The following MFHAS1 variants were observed in gnomAD, a reference collection of about 807,000 sequenced individuals.
MFHAS1 encodes the protein multifunctional ROCO family signaling regulator 1.
In MFHAS1, 50 loss-of-function variants were observed where a neutral mutation model predicts 70.4. The ratio of observed to expected loss-of-function variants is 0.71; its 90% CI spans 0.57 to 0.90. MFHAS1 has a LOEUF of 0.90. Among genes scored for constraint, MFHAS1 ranks in the 40% least tolerant of loss-of-function variants. MFHAS1 has a pLI of 0.00. For missense variants in MFHAS1, 1,795 were observed against 1,347.6 expected (o/e 1.33, Z -5.20); for synonymous variants, 952 against 620.0 (o/e 1.54, Z -7.96).
intron 1 of MFHAS1, among the ~76,000 whole-genome samples, chr8:8,812,302 G>T (rs562292114): frequency 6.6e-6 from 1 of 152,126 alleles, no homozygotes. Flanking sequence ...TGAAGCCGGC[G>T]TAAGATCTTA....
At chr8:8,874,652 T>C (rs1258717737) in intron 1 of MFHAS1, among the ~76,000 whole-genome samples, 5 of 152,180 alleles carry the variant, frequency 3.3e-5, no homozygotes, top group South Asian at 4.1e-4. Flanking sequence ...GTTAAAGTTA[T>C]AAGGGTGAAG....
intron 1 of MFHAS1, among the ~76,000 whole-genome samples, chr8:8,873,097 G>C (rs1449970841): frequency 6.6e-6 from 1 of 152,236 alleles, no homozygotes; most frequent in African/African-American, 2.4e-5. Flanking sequence ...AGGCAAGCCA[G>C]TGAGCCATTT....
intron 1 of MFHAS1, among the ~76,000 whole-genome samples, chr8:8,849,341 G>A (rs1808155380): frequency 6.6e-6 from 1 of 152,068 alleles, no homozygotes; most frequent in African/African-American, 2.4e-5. Flanking sequence ...TCAGCCTCCT[G>A]AAGTGCTGGG....
At chr8:8,831,568 C>T (rs909356115) in intron 1 of MFHAS1, among the ~76,000 whole-genome samples, 1 of 151,004 alleles carries the variant, frequency 6.6e-6, no homozygotes, top group African/African-American at 2.4e-5. Flanking sequence ...ACATATAGAT[C>T]AATAGAACAG....
intron 2 of MFHAS1, among the ~76,000 whole-genome samples, chr8:8,794,506 C>T (rs1042596971): frequency 1.1e-4 from 16 of 152,124 alleles, no homozygotes; most frequent in African/African-American, 2.9e-4. Context: ...GTGCTTAAGG[C>T]GGTGAAGGTG....
In MFHAS1 at chr8:8,890,621, G is replaced by A. The variant is rs752350177; in HGVS notation, c.2438C>T (p.Ala813Val). The A allele has an allele frequency of 1.9e-6, 3 of 1,613,934 alleles. No individual in the cohort carries two copies. The South Asian group carries it at 3.3e-5, about 18-fold the overall frequency. The change falls in exon 1 of 3, where the codon GCC (alanine) becomes GTC (valine). Residue 813 changes from alanine to valine, a missense_variant. Transcript: ENST00000276282. ...CAGCAACAGCTGCAAGTCCTGCTGG[G>A]CCTGGACATGAGGCTTAAGCAGCAA... ...IRLLLKPHVQ[A>V]QQDLQLLLEL... is the part of the protein sequence containing the mutation.
intron 1 of MFHAS1, among the ~76,000 whole-genome samples, chr8:8,827,453 A>G (rs1341868595): frequency 6.6e-6 from 1 of 152,186 alleles, no homozygotes; most frequent in African/African-American, 2.4e-5. Context: ...GCCACATCCA[A>G]TTTCACAGAT....
chr8:8,815,764 C>T (rs1806719133), intron 1 of MFHAS1, among the ~76,000 whole-genome samples: 1 of 152,128 alleles, frequency 6.6e-6, no homozygotes, highest in African/African-American at 2.4e-5. Context: ...AAAGTTGAAA[C>T]ATACACCTAC....
At chr8:8,794,944 C>T (rs1430021385) in intron 2 of MFHAS1, among the ~76,000 whole-genome samples, 2 of 152,096 alleles carry the variant, frequency 1.3e-5, no homozygotes, top group East Asian at 1.9e-4. Flanking sequence ...GGTCTTTCTG[C>T]GGCAGTACAA....
chr8:8,851,273 C>T (rs1808239599), intron 1 of MFHAS1, among the ~76,000 whole-genome samples: 1 of 152,074 alleles, frequency 6.6e-6, no homozygotes, highest in Non-Finnish European at 1.5e-5. Flanking sequence ...TGTGGTTGAT[C>T]CCAAATATTA....
rs868475984 is a variant in MFHAS1 at position 8,893,012 on chromosome 8, C to A, written c.47G>T (p.Arg16Leu). The A allele has an allele frequency of 6.5e-7, 1 of 1,539,308 alleles. No individual in the cohort carries two copies. The highest frequency in any genetic ancestry group is 1.2e-5 in the South Asian group (1 of 84,186). Residue 16 changes from arginine (R) to leucine (L), a missense_variant, in exon 1 of 3, where the codon CGG (arginine) becomes CTG (leucine). By Grantham distance (102) the Arg-to-Leu change is moderately radical. Coordinates refer to ENST00000276282, the MANE Select transcript of MFHAS1 (RefSeq NM_004225.3). ...SGNLKTARLW[R>L]DAALRARKLR... is the part of the protein sequence containing the mutation. ...CTTCCTGGCACGCAGGGCGGCGTCC[C>A]GCCACAGCCTCGCGGTCTTCAGGTT...
chr8:8,848,441 C>T (rs1270964647), intron 1 of MFHAS1, among the ~76,000 whole-genome samples: 1 of 151,360 alleles, frequency 6.6e-6, no homozygotes, highest in Non-Finnish European at 1.5e-5. Flanking sequence ...CTTCATTTTC[C>T]TCTCCACTGC....
At chr8:8,813,202 T>A (rs1183723379) in intron 1 of MFHAS1, among the ~76,000 whole-genome samples, 3 of 152,258 alleles carry the variant, frequency 2.0e-5, no homozygotes. Context: ...TTTGCAGTGA[T>A]GCTGGTATAA....
intron 1 of MFHAS1, among the ~76,000 whole-genome samples, chr8:8,821,156 A>G (rs1171017553): frequency 6.6e-6 from 1 of 152,042 alleles, no homozygotes; most frequent in Non-Finnish European, 1.5e-5. Flanking sequence ...TGTCAGAGGG[A>G]GCAGCTGCCA....
chr8:8,875,472 T>C (rs907537058), intron 1 of MFHAS1, among the ~76,000 whole-genome samples: 4 of 152,266 alleles, frequency 2.6e-5, no homozygotes, highest in African/African-American at 9.6e-5. Context: ...TATACAATTA[T>C]AACTACATAT....
At chr8:8,797,629 T>A (rs1164090282) in intron 1 of MFHAS1, 138 bp from the exon 2 acceptor site, 1 of 988,258 alleles carries the variant, frequency 1.0e-6, no homozygotes, top group African/African-American at 1.6e-5. Context: ...AGAACAAATG[T>A]GCAACCAAGA....
rs1805486370 is a variant in MFHAS1, at chr8:8,785,001, T to C, written c.*1021A>G. ...GGAGCCTAAATTCACAACCTTAAGA[T>C]CTGACAGCCAGATGTGGAAGGTCTA... On this transcript the variant is annotated 3_prime_UTR_variant, in exon 3 of 3. Coordinates refer to ENST00000276282, the MANE Select transcript of MFHAS1 (RefSeq NM_004225.3). The C allele has an allele frequency of 6.6e-6, 1 of 152,142 alleles. No individual in the cohort carries two copies. The highest frequency in any genetic ancestry group is 1.5e-5 in the Non-Finnish European group (1 of 68,018). The allele number at this position is 152,142 out of a possible 1,614,324, so 9.4% of individuals were successfully genotyped here.
intron 1 of MFHAS1, among the ~76,000 whole-genome samples, chr8:8,850,748 C>A (rs989450098): frequency 6.7e-6 from 1 of 148,294 alleles, no homozygotes; most frequent in Non-Finnish European, 1.5e-5. Flanking sequence ...TCGCTTGAAT[C>A]CAGGAGGCGA....
chr8:8,877,385 C>A (rs974556300), intron 1 of MFHAS1, among the ~76,000 whole-genome samples: 3 of 148,964 alleles, frequency 2.0e-5, no homozygotes, highest in Admixed American at 6.7e-5. Context: ...TAGTGTCACA[C>A]ACAAAAAAGC....
Sources: gnomAD v4.1 joint callset for allele counts (sites outside exome capture counted in the v4.1 genomes callset) on GRCh38, gnomAD v4.1.1 for gene constraint, MANE v1.5 for transcripts, NCBI Gene and HGNC (gene_info 2026-07-23, HGNC 2026-07-21) for gene names.